The following NARS1 variants were observed in gnomAD, a reference collection of about 807,000 sequenced individuals.
The protein encoded by NARS1 is asparaginyl-tRNA synthetase 1.
A neutral mutation model predicts 79.2 loss-of-function variants in NARS1; 65 were observed. The observed-to-expected ratio is 0.82, with a 90% confidence interval of 0.67 to 1.01. NARS1 has a LOEUF of 1.01. NARS1 is among the 50% of genes least tolerant of loss of function. NARS1 has a pLI of 0.00. For missense variants in NARS1, 649 were observed against 673.8 expected, an observed-to-expected ratio of 0.96 and a Z score of 0.41; for synonymous variants, 229 against 238.8, an observed-to-expected ratio of 0.96 and a Z score of 0.38.
At chr18:57,610,939 G>C (rs1039039709) in intron 6 of NARS1, among the ~76,000 whole-genome samples, 1 of 151,336 alleles carries the variant, frequency 6.6e-6, no homozygotes, top group African/African-American at 2.4e-5. Context: ...TTGGTGGAGG[G>C]TGTGATAATA....
chr18:57,606,696 G>A lies in NARS1; in HGVS notation c.1057C>T (p.Arg353Trp), dbSNP rs370440566. The change falls in exon 10 of 14, where the codon CGG becomes TGG. Residue 353 changes from arginine to tryptophan, a missense_variant. By Grantham distance (101) the Arg-to-Trp change is moderately radical. Coordinates refer to ENST00000256854, the MANE Select transcript of NARS1 (RefSeq NM_004539.4). Reference sequence around the variant, plus strand: ...ACATCACAAACCAAGTCCTCCAACCGGTTCAGGAGGTCGTCAAAAGTCAGG... The same window carrying A: ...ACATCACAAACCAAGTCCTCCAACCAGTTCAGGAGGTCGTCAAAAGTCAGG... ...PFLTFDDLLN[R>W]LEDLVCDVVD... is the part of the protein sequence containing the mutation. The A allele has an allele frequency of 2.5e-5, 41 of 1,613,924 alleles. No homozygotes were observed. Among genetic ancestry groups the A allele is most frequent in the Non-Finnish European group, 3.0e-5 (35 of 1,179,986 alleles).
chr18:57,602,537 A>C, intron 12 of NARS1, 51 bp from the exon 13 acceptor site: 1 of 1,598,340 alleles, frequency 6.3e-7, no homozygotes, highest in Non-Finnish European at 8.6e-7. Flanking sequence ...GCGATCAGAC[A>C]CAGCACTGCC....
intron 11 of NARS1, 150 bp downstream of exon 11, chr18:57,605,707 C>A (rs866889539): frequency 1.7e-6 from 1 of 603,168 alleles, no homozygotes; most frequent in Non-Finnish European, 3.0e-6. Flanking sequence ...GTTAACTCAG[C>A]GAATCTGCAG....
rs1015387733 is a variant in NARS1 at position 57,601,523 on chromosome 18, G to A, written c.*129C>T. On this transcript the variant is annotated 3_prime_UTR_variant, in exon 14 of 14. Coordinates refer to ENST00000256854, the MANE Select transcript of NARS1 (RefSeq NM_004539.4). ...TCAGGTGATTTGAGATAGTTTTTAT[G>A]GTAGTAGAAAGAAAAACAGAAAGAG... 124 of 869,876 alleles carry A rather than the reference G, an allele frequency of 1.4e-4. No homozygotes were observed. Among genetic ancestry groups the A allele is most frequent in the Middle Eastern group, 1.4e-3 (5 of 3,626 alleles). 53.9% of individuals were successfully genotyped at this position (869,876 alleles called of 1,614,324 possible).
intron 4 of NARS1, among the ~76,000 whole-genome samples, chr18:57,614,266 T>C (rs1456925754): frequency 7.2e-5 from 11 of 152,104 alleles, no homozygotes; most frequent in African/African-American, 2.4e-4. Context: ...TTTGGGAGGC[T>C]AAGGAGGGCA....
chr18:57,606,986 G>C, intron 9 of NARS1, 148 bp downstream of exon 9: 10 of 984,246 alleles, frequency 1.0e-5, no homozygotes, highest in Non-Finnish European at 1.5e-5. Context: ...ACGATCTAAG[G>C]TGGCAAAACT....
rs752146996 is a variant in NARS1, at chr18:57,601,793, AAAAG to A, written c.1516-14_1516-11del. 241 of 1,608,586 alleles carry A rather than the reference AAAAG, an allele frequency of 1.5e-4. No individual in the cohort carries two copies. The highest frequency in any genetic ancestry group is 8.3e-4 in the Middle Eastern group (5 of 6,060). ...ATGTACCGTATTTTCTCTGTTTAAA[AAAAG>A]AAAGAAAGAAAGAGGAGTAAATACT... is the stretch of plus-strand genomic sequence containing the variant. On this transcript the variant is annotated splice_polypyrimidine_tract_variant and intron_variant, in intron 13 of 13. Transcript: ENST00000256854.
chr18:57,612,727 C>T (rs2051614941), intron 5 of NARS1, among the ~76,000 whole-genome samples: 1 of 152,212 alleles, frequency 6.6e-6, no homozygotes, highest in African/African-American at 2.4e-5. Flanking sequence ...TGAGCCACCG[C>T]ACCTGGCCTG....
chr18:57,618,432 G>A (rs1908153608), intron 2 of NARS1, among the ~76,000 whole-genome samples: 1 of 152,138 alleles, frequency 6.6e-6, no homozygotes, highest in Non-Finnish European at 1.5e-5. Context: ...GAAATTGAAA[G>A]AGCCAAACTA....
chr18:57,619,266 A>T (rs1440114349), intron 2 of NARS1, among the ~76,000 whole-genome samples: 2 of 123,756 alleles, frequency 1.6e-5, no homozygotes, highest in African/African-American at 3.1e-5. Flanking sequence ...TGCCTGGCTA[A>T]TTTTTTTTTT....
intron 2 of NARS1, among the ~76,000 whole-genome samples, chr18:57,617,591 AAAAT>A (rs1225008052): frequency 4.4e-5 from 5 of 113,518 alleles, no homozygotes; most frequent in Admixed American, 8.5e-5. Context: ...AAAAAAAAAA[AAAAT>A]AGAGAAGGAA....
At chr18:57,618,500 G>A (rs1165457333) in intron 2 of NARS1, among the ~76,000 whole-genome samples, 2 of 152,208 alleles carry the variant, frequency 1.3e-5, no homozygotes, top group Non-Finnish European at 2.9e-5. Flanking sequence ...GTTGTTAACA[G>A]TGACATTCTG....
At chr18:57,617,139 T>C (rs55649826) in intron 2 of NARS1, among the ~76,000 whole-genome samples, 23,642 of 152,112 alleles carry the variant, frequency 0.16, 2,121 homozygotes, top group Non-Finnish European at 0.2. Context: ...AAGATGAATA[T>C]TTTAAAGCCT....
intron 1 of NARS1, among the ~76,000 whole-genome samples, chr18:57,621,191 GA>G (rs1908282784): frequency 6.6e-6 from 1 of 151,038 alleles, no homozygotes; most frequent in Non-Finnish European, 1.5e-5. Context: ...TCTGAGGTTA[GA>G]AAATTTCAGA....
chr18:57,617,712 C>G (rs549413872), intron 2 of NARS1, among the ~76,000 whole-genome samples: 16 of 150,672 alleles, frequency 1.1e-4, no homozygotes, highest in Middle Eastern at 7.0e-3. Flanking sequence ...GTCAGGAGTT[C>G]GAGACCAGCC....
intron 11 of NARS1, among the ~76,000 whole-genome samples, chr18:57,604,390 TA>T (rs1205429706): frequency 2.2e-4 from 32 of 142,752 alleles, no homozygotes; most frequent in South Asian, 2.2e-4. Flanking sequence ...TCCATCTCTT[TA>T]AAAAAAAAAA....
At chr18:57,608,785 T>C (rs1189767390) in intron 7 of NARS1, among the ~76,000 whole-genome samples, 13 of 152,212 alleles carry the variant, frequency 8.5e-5, no homozygotes, top group African/African-American at 3.1e-4. Context: ...ATTTTCTGGG[T>C]GTATCTGGGT....
At position 57,607,618 on chromosome 18, in the gene NARS1, C is replaced by A. The variant is rs956303018; in HGVS notation, c.627G>T (p.Gly209=). Residue 209 remains glycine, a synonymous_variant, in exon 8 of 14, where the codon GGG becomes GGT. Coordinates refer to ENST00000256854, the MANE Select transcript of NARS1 (RefSeq NM_004539.4). ...ELSCDFWELI[G]LAPAGGADNL... ...TGTCAGCTCCTCCAGCAGGGGCCAA[C>A]CCAATTAGTTCCCAGAAGTCACAAC... 1.2e-6 allele frequency: 2 copies of A among 1,614,078 alleles called. No individual in the cohort carries two copies. The highest frequency in any genetic ancestry group is 2.7e-5 in the African/African-American group (2 of 75,010).
At position 57,615,657 on chromosome 18, in the gene NARS1, A is replaced by C; in HGVS notation, c.326T>G (p.Leu109Arg). Residue 109 changes from leucine (L) to arginine (R), a missense_variant, in exon 4 of 14, where the codon CTC (leucine) becomes CGC (arginine). By Grantham distance (102) the Leu-to-Arg change is moderately radical. Coordinates refer to ENST00000256854, the MANE Select transcript of NARS1 (RefSeq NM_004539.4). Reference sequence around the variant, plus strand: ...CAAACTTACACATTTTGGCTCTGGGAGACTTGGATCATTTTTAATGGTAAT... The same window carrying C: ...CAAACTTACACATTTTGGCTCTGGGCGACTTGGATCATTTTTAATGGTAAT... ...KKITIKNDPS[L>R]PEPKCVKIGA... 3 of 1,611,856 alleles carry C rather than the reference A, an allele frequency of 1.9e-6. No individual in the cohort carries two copies. The highest frequency in any genetic ancestry group is 2.5e-6 in the Non-Finnish European group (3 of 1,178,498).
Sources: allele counts gnomAD v4.1 joint callset (sites outside exome capture counted in the v4.1 genomes callset), GRCh38; gene constraint gnomAD v4.1.1; transcripts MANE v1.5; gene names NCBI Gene and HGNC (gene_info 2026-07-23, HGNC 2026-07-21).